The following FAM120A variants were observed in gnomAD, a reference collection of about 807,000 sequenced individuals.
The protein encoded by FAM120A is family with sequence similarity 120 member A.
In FAM120A, 15 loss-of-function variants were observed where a neutral mutation model predicts 109.7. That is an observed-to-expected ratio of 0.14 (90% CI 0.09 to 0.21). FAM120A has a LOEUF of 0.21. Ranked by LOEUF, FAM120A falls within the 10% of genes least tolerant of loss-of-function variation. The pLI is 1.00. For missense variants in FAM120A, 899 were observed against 1,439.3 expected (o/e 0.62, Z 6.07); for synonymous variants, 493 against 572.8 (o/e 0.86, Z 1.99).
chr9:93,468,213 A>T (rs1356281656), intron 1 of FAM120A, among the ~76,000 whole-genome samples: 2 of 152,196 alleles, frequency 1.3e-5, no homozygotes, highest in Non-Finnish European at 2.9e-5. Flanking sequence ...GTTCTACTGC[A>T]TATTGGCCTG....
chr9:93,527,046 T>C, intron 7 of FAM120A, 109 bp from the exon 8 acceptor site: 1 of 783,152 alleles, frequency 1.3e-6, no homozygotes. Flanking sequence ...TGTGTTTATT[T>C]TAAAAGTATT....
chr9:93,547,619 C>T (rs1861934670), intron 11 of FAM120A, among the ~76,000 whole-genome samples: 2 of 152,156 alleles, frequency 1.3e-5, no homozygotes, highest in African/African-American at 4.8e-5. Context: ...GGCCCTATAG[C>T]TGTCTATATT....
intron 13 of FAM120A, among the ~76,000 whole-genome samples, chr9:93,557,127 G>GTTTTTT (rs60903831): frequency 3.3e-5 from 4 of 120,186 alleles, no homozygotes; most frequent in African/African-American, 3.2e-5. Context: ...GTTTGTTTTG[G>GTTTTTT]TTTTTTTTTT....
intron 3 of FAM120A, among the ~76,000 whole-genome samples, chr9:93,480,290 T>C (rs1222751802): frequency 6.6e-6 from 1 of 152,190 alleles, no homozygotes; most frequent in Non-Finnish European, 1.5e-5. Context: ...TTCTAAGATG[T>C]GGTCAATTCT....
intron 3 of FAM120A, among the ~76,000 whole-genome samples, chr9:93,478,651 T>C (rs533294655): frequency 1.3e-5 from 2 of 152,092 alleles, no homozygotes; most frequent in African/African-American, 4.8e-5. Context: ...AATTTTTGTG[T>C]TTTTAGTAGA....
intron 1 of FAM120A, among the ~76,000 whole-genome samples, chr9:93,467,252 C>CG (rs1023051282): frequency 9.0e-6 from 1 of 111,724 alleles, no homozygotes; most frequent in Admixed American, 8.5e-5. Flanking sequence ...TGTCACCCCC[C>CG]CCCCCCTTTT....
intron 7 of FAM120A, among the ~76,000 whole-genome samples, chr9:93,526,863 C>G (rs1861104875): frequency 6.6e-6 from 1 of 152,248 alleles, no homozygotes; most frequent in Non-Finnish European, 1.5e-5. Flanking sequence ...CAAGGCTTGC[C>G]TTTGTTTCCT....
chr9:93,520,430 A>G (rs1403567055), intron 7 of FAM120A, among the ~76,000 whole-genome samples: 1 of 152,224 alleles, frequency 6.6e-6, no homozygotes, highest in Non-Finnish European at 1.5e-5. Flanking sequence ...AAAGTTGTTC[A>G]CCGTCACTAA....
intron 17 of FAM120A, 37 bp downstream of exon 17, chr9:93,562,341 C>A: frequency 6.6e-7 from 1 of 1,509,460 alleles, no homozygotes; most frequent in Non-Finnish European, 9.2e-7. Flanking sequence ...CAGTTCAATG[C>A]CCTCAGGGAT....
At chr9:93,558,893 C>T (rs1054710059) in intron 15 of FAM120A, among the ~76,000 whole-genome samples, 175 bp downstream of exon 15, 2 of 152,178 alleles carry the variant, frequency 1.3e-5, no homozygotes, top group African/African-American at 4.8e-5. Flanking sequence ...TCTCTGCTCT[C>T]AGGTCTCAGC....
intron 17 of FAM120A, among the ~76,000 whole-genome samples, chr9:93,562,665 CT>C (rs535421624): frequency 3.2e-3 from 429 of 134,946 alleles, no homozygotes; most frequent in African/African-American, 7.8e-3. Flanking sequence ...CTTTCTTTTT[CT>C]TTTTTTTTTT....
Position 93,452,636 on chromosome 9 carries a change from G to A in FAM120A, c.474+247G>A, listed in dbSNP as rs1200440135. The A allele has an allele frequency of 6.3e-7, 1 of 1,599,230 alleles. No homozygotes were observed. The highest frequency in any genetic ancestry group is 2.2e-5 in the East Asian group (1 of 44,870). The stretch of plus-strand genomic sequence containing the variant: ...CCGCGGCCGCGTGGGGACACTTGAG[G>A]GCTGGGAGAGAGCCCCGGACCAGAA... On this transcript the variant is annotated intron_variant, in intron 1 of 17. Coordinates refer to ENST00000277165, the MANE Select transcript of FAM120A (RefSeq NM_014612.5). The surrounding 1 kb of genome is among the most constrained non-coding windows in gnomAD (Gnocchi z 7.0).
chr9:93,494,846 G>A (rs1016353078), intron 3 of FAM120A, among the ~76,000 whole-genome samples: 6 of 152,146 alleles, frequency 3.9e-5, no homozygotes, highest in African/African-American at 7.2e-5. Context: ...CCTCTGGCAC[G>A]GGTGACATTA....
At chr9:93,468,211 G>A (rs1030850737) in intron 1 of FAM120A, among the ~76,000 whole-genome samples, 1 of 152,176 alleles carries the variant, frequency 6.6e-6, no homozygotes, top group Admixed American at 6.5e-5. Flanking sequence ...AGGTTCTACT[G>A]CATATTGGCC....
intron 3 of FAM120A, among the ~76,000 whole-genome samples, chr9:93,480,946 G>C (rs1000896736): frequency 6.6e-6 from 1 of 152,232 alleles, no homozygotes; most frequent in Non-Finnish European, 1.5e-5. Flanking sequence ...AGAAATGGAA[G>C]GCGTCAGGCA....
At chr9:93,458,522 T>C (rs953792347) in intron 1 of FAM120A, among the ~76,000 whole-genome samples, 2 of 152,152 alleles carry the variant, frequency 1.3e-5, no homozygotes, top group Non-Finnish European at 2.9e-5. Context: ...TTAACTGTTA[T>C]ACTCTTCCTT....
At chr9:93,533,821 C>T (rs4237221) in intron 10 of FAM120A, among the ~76,000 whole-genome samples, 1 of 151,972 alleles carries the variant, frequency 6.6e-6, no homozygotes, top group Non-Finnish European at 1.5e-5. Flanking sequence ...TCAGTTTCAG[C>T]GCACTGCAGT....
intron 2 of FAM120A, among the ~76,000 whole-genome samples, chr9:93,471,712 A>G (rs1242285778): frequency 6.6e-6 from 1 of 152,242 alleles, no homozygotes; most frequent in Non-Finnish European, 1.5e-5. Flanking sequence ...TAAATTAGAC[A>G]TTTAAACCTT....
intron 7 of FAM120A, chr9:93,523,453 A>G: frequency 4.5e-6 from 2 of 440,574 alleles, no homozygotes; most frequent in South Asian, 2.0e-5. Context: ...ACAGATATCC[A>G]CTTTATATTT....
Sources: gnomAD v4.1 joint callset for allele counts (sites outside exome capture counted in the v4.1 genomes callset) on GRCh38, gnomAD v4.1.1 for gene constraint, Gnocchi (gnomAD v3.1) non-coding constraint, MANE v1.5 for transcripts, NCBI Gene and HGNC (gene_info 2026-07-23, HGNC 2026-07-21) for gene names.